Variants in CECR2 observed in about 807,000 individuals in gnomAD.
CECR2 encodes CECR2 histone acetyl-lysine reader.
In CECR2, 30 loss-of-function variants were observed where a neutral mutation model predicts 154.5. The ratio of observed to expected loss-of-function variants is 0.19; its 90% CI spans 0.15 to 0.26. The LOEUF (loss-of-function observed/expected upper bound fraction) is 0.26, where lower values mean the gene tolerates loss of function less well. Ranked by LOEUF, CECR2 falls within the 10% of genes least tolerant of loss-of-function variation. CECR2 has a pLI of 1.00. For missense variants in CECR2, 1,743 were observed against 1,829.3 expected (o/e 0.95, Z 0.86); for synonymous variants, 725 against 683.7 (o/e 1.06, Z -0.94).
intron 1 of CECR2, among the ~76,000 whole-genome samples, chr22:17,421,614 C>CCAA (rs2054251809): frequency 1.7e-4 from 4 of 23,362 alleles, no homozygotes; most frequent in Non-Finnish European, 2.9e-4. Flanking sequence ...GACTCCGTCT[C>CCAA]AAAAAAAAAA....
In CECR2 at chr22:17,429,539, C is replaced by CAAAAAA. The variant is rs531842006; in HGVS notation, c.127-48044_127-48043insAAAAAA. On this transcript the variant is annotated intron_variant, in intron 1 of 18. Coordinates refer to ENST00000262608, the MANE Select transcript of CECR2 (RefSeq NM_001290047.2). ...CAGTAGGGCACAACCCCATCTCTAC[C>CAAAAAA]AAAAACAAAAACAAAAACAAAGAAA... Among the ~76,000 whole-genome samples the CAAAAAA allele has an allele frequency of 2.0e-4, 24 of 121,034 alleles. 3 individuals carry two copies. Among genetic ancestry groups the CAAAAAA allele is most frequent in the Middle Eastern group, 4.5e-3 (1 of 220 alleles). 79.4% of individuals were successfully genotyped at this position (121,034 alleles called of 152,430 possible). A position where few individuals can be genotyped will look rare whatever the true frequency, so the allele number is the denominator to read the frequency against.
chr22:17,406,574 G>A (rs952561981), intron 1 of CECR2, among the ~76,000 whole-genome samples: 1 of 151,562 alleles, frequency 6.6e-6, no homozygotes, highest in Non-Finnish European at 1.5e-5. Flanking sequence ...GTATTCTGCT[G>A]TTCTTGGCTA....
chr22:17,539,766 C>A (rs2056492803), intron 13 of CECR2, among the ~76,000 whole-genome samples: 1 of 152,108 alleles, frequency 6.6e-6, no homozygotes, highest in African/African-American at 2.4e-5. Context: ...ACAGCAGATT[C>A]AGCCATTTTT....
intron 7 of CECR2, among the ~76,000 whole-genome samples, chr22:17,505,957 A>C (rs757364365): frequency 1.4e-5 from 2 of 145,180 alleles, no homozygotes; most frequent in Non-Finnish European, 3.0e-5. Context: ...TGATCCTCTC[A>C]TCTCAACCTC....
intron 1 of CECR2, among the ~76,000 whole-genome samples, chr22:17,453,547 C>T (rs974808059): frequency 3.3e-5 from 5 of 152,134 alleles, no homozygotes; most frequent in African/African-American, 9.7e-5. Flanking sequence ...ATGAGGGTGT[C>T]GGTTTCCTTA....
intron 3 of CECR2, among the ~76,000 whole-genome samples, 174 bp from the exon 4 acceptor site, chr22:17,499,236 G>T (rs191907829): frequency 3.9e-5 from 6 of 152,068 alleles, no homozygotes; most frequent in African/African-American, 1.4e-4. Context: ...TGATTTGCCC[G>T]CCTCAGCCTC....
At position 17,409,539 on chromosome 22, in the gene CECR2, AG is replaced by A. The variant is rs2054036224; in HGVS notation, c.126+39631del. Among the ~76,000 whole-genome samples, 3 of 110,712 alleles carry A rather than the reference AG, an allele frequency of 2.7e-5. 1 individual carries two copies. The highest frequency in any genetic ancestry group is 5.2e-4 in the South Asian group (2 of 3,822). The allele number at this position is 110,712 out of a possible 152,430, so 72.6% of individuals were successfully genotyped here. A position where few individuals can be genotyped will look rare whatever the true frequency, so the allele number is the denominator to read the frequency against. The stretch of plus-strand genomic sequence containing the variant: ...AGCCACTGTGCCTGGCCTAATTTTA[AG>A]TAAGTTTTATAAAGAGAGTAACACA... On this transcript the variant is annotated intron_variant, in intron 1 of 18. Coordinates refer to ENST00000262608, the MANE Select transcript of CECR2 (RefSeq NM_001290047.2).
chr22:17,508,377 C>T (rs981345332), intron 7 of CECR2, among the ~76,000 whole-genome samples: 5 of 152,088 alleles, frequency 3.3e-5, no homozygotes, highest in Non-Finnish European at 7.4e-5. Flanking sequence ...TGCCCTATCT[C>T]GGTGTGTCAG....
At chr22:17,521,511 C>G (rs142564012) in intron 8 of CECR2, among the ~76,000 whole-genome samples, 3,021 of 129,088 alleles carry the variant, frequency 0.023, 99 homozygotes, top group African/African-American at 0.091. Context: ...GGTGACAGAG[C>G]GAGACTCCAT....
intron 7 of CECR2, among the ~76,000 whole-genome samples, chr22:17,510,390 A>G (rs1373269203): frequency 1.3e-5 from 2 of 152,068 alleles, no homozygotes; most frequent in Non-Finnish European, 2.9e-5. Context: ...CGATTGTTTG[A>G]GGCCAGTAGT....
intron 1 of CECR2, among the ~76,000 whole-genome samples, chr22:17,410,341 C>T (rs898910897): frequency 6.6e-6 from 1 of 152,072 alleles, no homozygotes; most frequent in East Asian, 1.9e-4. Flanking sequence ...GTTTATATAG[C>T]GTAAGCCTTG....
chr22:17,540,176 A>G (rs2056499721), intron 13 of CECR2, among the ~76,000 whole-genome samples: 1 of 152,122 alleles, frequency 6.6e-6, no homozygotes, highest in Admixed American at 6.6e-5. Flanking sequence ...CAACCATACA[A>G]CCTTGGGCAT....
chr22:17,555,533 G>C lies in CECR2; in HGVS notation c.*2693G>C, dbSNP rs902776080. ...GGAATCCACAGGAGCGTGAGCTGCTGTGAACCCCTAGCCCACCCATCCCCA... is the reference window on the plus strand; with the variant it reads ...GGAATCCACAGGAGCGTGAGCTGCTCTGAACCCCTAGCCCACCCATCCCCA... On this transcript the variant is annotated 3_prime_UTR_variant, in exon 19 of 19. Coordinates refer to ENST00000262608, the MANE Select transcript of CECR2 (RefSeq NM_001290047.2). 5 of 152,250 alleles carry C rather than the reference G, an allele frequency of 3.3e-5. No homozygotes were observed. The highest frequency in any genetic ancestry group is 1.2e-4 in the African/African-American group (5 of 41,468). The allele number at this position is 152,250 out of a possible 1,614,324, so 9.4% of individuals were successfully genotyped here. A position where few individuals can be genotyped will look rare whatever the true frequency, so the allele number is the denominator to read the frequency against.
chr22:17,381,097 G>T (rs2063182496), intron 1 of CECR2, among the ~76,000 whole-genome samples: 1 of 151,676 alleles, frequency 6.6e-6, no homozygotes, highest in African/African-American at 2.4e-5. Flanking sequence ...TTGTACACGG[G>T]GGTGGGCGGG....
chr22:17,438,045 C>G (rs976136702), intron 1 of CECR2, among the ~76,000 whole-genome samples: 1 of 152,006 alleles, frequency 6.6e-6, no homozygotes, highest in African/African-American at 2.4e-5. Context: ...TGAAAACTTC[C>G]AAATGAACAG....
chr22:17,548,842 C>G lies in CECR2; in HGVS notation c.3555C>G (p.Ser1185=), dbSNP rs1314028225. ...RYRPPQGMRY[S]YHPPPQPSYH... ...GCCCCCCACAAGGAATGAGGTATTC[C>G]TACCACCCACCGCCACAGCCTTCCT... The change falls in exon 17 of 19, where the codon TCC becomes TCG. Residue 1185 remains serine (S), a synonymous_variant. Coordinates refer to ENST00000262608, the MANE Select transcript of CECR2 (RefSeq NM_001290047.2). 6.2e-7 allele frequency: 1 copy of G among 1,613,560 alleles called. No homozygotes were observed. The highest frequency in any genetic ancestry group is 1.7e-5 in the Admixed American group (1 of 60,008).
intron 17 of CECR2, among the ~76,000 whole-genome samples, chr22:17,551,802 G>GA (rs893754120): frequency 3.2e-4 from 47 of 145,224 alleles, no homozygotes; most frequent in Admixed American, 7.6e-4. Context: ...GTCTCTAAAA[G>GA]AAAAAAAAAA....
rs61355005 is a variant in CECR2, at chr22:17,486,230, A to AT, written c.221+8555dup. Among the ~76,000 whole-genome samples, 957 of 152,328 alleles carry AT rather than the reference A, an allele frequency of 6.3e-3. 12 individuals are homozygous for AT. Among genetic ancestry groups the AT allele is most frequent in the African/African-American group, 0.022 (916 of 41,576 alleles). On this transcript the variant is annotated intron_variant, in intron 2 of 18. Coordinates refer to ENST00000262608, the MANE Select transcript of CECR2 (RefSeq NM_001290047.2). ...GGAACCTCATCATCAAGTACAGTTTATTTTTTTACCTGAGGAAGCGAAGGC... is the reference window on the plus strand; with the variant it reads ...GGAACCTCATCATCAAGTACAGTTTATTTTTTTTACCTGAGGAAGCGAAGGC...
At chr22:17,475,332 G>A (rs899416440) in intron 1 of CECR2, among the ~76,000 whole-genome samples, 1 of 152,170 alleles carries the variant, frequency 6.6e-6, no homozygotes, top group African/African-American at 2.4e-5. Flanking sequence ...GCCGGGGGGA[G>A]CAGCTTGGTT....
Sources: allele counts gnomAD v4.1 joint callset (sites outside exome capture counted in the v4.1 genomes callset), GRCh38; gene constraint gnomAD v4.1.1; transcripts MANE v1.5; gene names NCBI Gene and HGNC (gene_info 2026-07-23, HGNC 2026-07-21).